The following STK3 variants were observed in gnomAD, a reference collection of about 807,000 sequenced individuals.
The protein encoded by STK3 is serine/threonine-protein kinase 3.
Under a neutral mutation model 58.0 loss-of-function variants are expected in STK3, and 41 were observed. The observed-to-expected ratio is 0.71, with a 90% confidence interval of 0.55 to 0.92. The LOEUF (loss-of-function observed/expected upper bound fraction) is 0.92. Ranked by LOEUF, STK3 falls within the 40% of genes least tolerant of loss-of-function variation. STK3 has a pLI of 0.00. For missense variants in STK3, 479 were observed against 602.7 expected (o/e 0.79, Z 2.15); for synonymous variants, 170 against 191.0 (o/e 0.89, Z 0.91).
intron 3 of STK3, among the ~76,000 whole-genome samples, chr8:98,851,961 C>T (rs78264824): frequency 6.6e-6 from 1 of 151,770 alleles, no homozygotes; most frequent in African/African-American, 2.4e-5. Context: ...GTACTCCAGC[C>T]TTGGAAACAG....
chr8:98,833,213 T>C (rs560476790), intron 3 of STK3, among the ~76,000 whole-genome samples: 1 of 152,014 alleles, frequency 6.6e-6, no homozygotes, highest in East Asian at 1.9e-4. Context: ...AGTTGGGGGG[T>C]GCAGGGGGAG....
At chr8:98,608,298 T>C (rs946015703) in intron 6 of STK3, among the ~76,000 whole-genome samples, 1 of 151,952 alleles carries the variant, frequency 6.6e-6, no homozygotes, top group Non-Finnish European at 1.5e-5. Context: ...TTTATGAAAA[T>C]AGTAATTGAT....
chr8:98,458,455 C>T (rs768628339), intron 10 of STK3, among the ~76,000 whole-genome samples: 1 of 152,140 alleles, frequency 6.6e-6, no homozygotes, highest in African/African-American at 2.4e-5. Context: ...AATTATTTTA[C>T]AGCTATTGTA....
chr8:98,868,628 G>T (rs1307854774), intron 3 of STK3, among the ~76,000 whole-genome samples: 1 of 152,028 alleles, frequency 6.6e-6, no homozygotes, highest in Non-Finnish European at 1.5e-5. Flanking sequence ...TTAAATTGTG[G>T]CCTCCAAAAA....
At chr8:98,445,923 T>C (rs1320270661) in intron 1 of STK3, among the ~76,000 whole-genome samples, 1 of 152,176 alleles carries the variant, frequency 6.6e-6, no homozygotes, top group Non-Finnish European at 1.5e-5. Context: ...CAACTGGTGT[T>C]AATTTATCTG....
At chr8:98,474,509 T>C (rs1821161724) in intron 10 of STK3, among the ~76,000 whole-genome samples, 1 of 152,166 alleles carries the variant, frequency 6.6e-6, no homozygotes, top group Non-Finnish European at 1.5e-5. Flanking sequence ...TGCATGTGAA[T>C]TGGGAGTAAA....
upstream of STK3, chr8:98,391,354 GTCTA>G (rs1179042494): frequency 6.6e-6 from 1 of 152,226 alleles, no homozygotes; most frequent in Non-Finnish European, 1.5e-5. Context: ...CTGGGCAATG[GTCTA>G]TCTGTTAGTG....
chr8:98,711,946 C>T (rs537153312), intron 4 of STK3, among the ~76,000 whole-genome samples: 75 of 152,320 alleles, frequency 4.9e-4, no homozygotes, highest in African/African-American at 1.8e-3. Context: ...TCGGCAGAAA[C>T]TCTACAAGCC....
intron 3 of STK3, among the ~76,000 whole-genome samples, chr8:98,401,896 G>A (rs1330737034): frequency 3.3e-5 from 5 of 152,046 alleles, no homozygotes; most frequent in Non-Finnish European, 4.4e-5. Context: ...GGTTACAGAC[G>A]AGCAATTATT....
chr8:98,734,003 G>A (rs1242562419), intron 4 of STK3, among the ~76,000 whole-genome samples: 3 of 152,134 alleles, frequency 2.0e-5, no homozygotes, highest in African/African-American at 4.8e-5. Flanking sequence ...CAATCATGAC[G>A]GAAGGGCAAA....
At chr8:98,479,695 C>T (rs1158310131) in intron 10 of STK3, among the ~76,000 whole-genome samples, 1 of 152,122 alleles carries the variant, frequency 6.6e-6, no homozygotes, top group Non-Finnish European at 1.5e-5. Context: ...GGGATGTAAT[C>T]CAAAATTACT....
At chr8:98,832,255 A>AAAAAT (rs1000505539) in intron 3 of STK3, among the ~76,000 whole-genome samples, 21 of 138,868 alleles carry the variant, frequency 1.5e-4, no homozygotes, top group African/African-American at 5.5e-4. Flanking sequence ...AAAAAAAAAA[A>AAAAAT]ATATATATAT....
intron 4 of STK3, among the ~76,000 whole-genome samples, chr8:98,720,871 C>A (rs1827362515): frequency 6.6e-6 from 1 of 151,830 alleles, no homozygotes; most frequent in Non-Finnish European, 1.5e-5. Context: ...ACCACAATAC[C>A]AACCAATCAA....
intron 1 of STK3, among the ~76,000 whole-genome samples, chr8:98,940,643 G>C (rs1840379405): frequency 6.6e-6 from 1 of 152,180 alleles, no homozygotes; most frequent in Admixed American, 6.5e-5. Context: ...CTGTCTGCAC[G>C]CGGTCCCCTG....
chr8:98,929,645 G>A (rs1413663866), intron 1 of STK3, among the ~76,000 whole-genome samples: 2 of 152,098 alleles, frequency 1.3e-5, no homozygotes, highest in Admixed American at 6.6e-5. Context: ...GCCAGACCCT[G>A]TCATAAATAA....
chr8:98,848,396 T>C (rs1295017169), intron 3 of STK3, among the ~76,000 whole-genome samples: 1 of 152,130 alleles, frequency 6.6e-6, no homozygotes, highest in East Asian at 1.9e-4. Flanking sequence ...ATTACAGGTA[T>C]GCGCCACCAT....
intron 3 of STK3, among the ~76,000 whole-genome samples, chr8:98,839,487 A>G (rs2922074): frequency 0.28 from 41,960 of 152,158 alleles, 6,371 homozygotes; most frequent in East Asian, 0.45. Flanking sequence ...CTTTTTACCA[A>G]CATTTATTCA....
At chr8:98,362,649 A>G in the STK3 span, among the ~76,000 whole-genome samples, 34,175 of 152,104 alleles carry the variant, frequency 0.22, 3,931 homozygotes, top group Middle Eastern at 0.4. Context: ...AAGGCTGCTT[A>G]TGGGAGGAGA....
intron 1 of STK3, among the ~76,000 whole-genome samples, chr8:98,909,379 A>G (rs1012250500): frequency 5.9e-5 from 9 of 152,182 alleles, no homozygotes; most frequent in East Asian, 3.8e-4. Flanking sequence ...GCAACTCACA[A>G]ACGTAAAGTG....
Sources: gnomAD v4.1 joint callset for allele counts (sites outside exome capture counted in the v4.1 genomes callset) on GRCh38, gnomAD v4.1.1 for gene constraint, MANE v1.5 for transcripts, NCBI Gene and HGNC (gene_info 2026-07-23, HGNC 2026-07-21) for gene names.